The following EPG5 variants were observed in gnomAD, a reference collection of about 807,000 sequenced individuals.
EPG5 encodes ectopic P-granules 5 autophagy tethering factor, also known as ectopic P granules protein 5 homolog.
In EPG5, 159 loss-of-function variants were observed where a neutral mutation model predicts 302.7. That is an observed-to-expected ratio of 0.53 (90% CI 0.46 to 0.60). The LOEUF (loss-of-function observed/expected upper bound fraction) is 0.60. EPG5 is among the 20% of genes least tolerant of loss of function. The probability of loss-of-function intolerance (pLI) is 0.00; values close to 1 mark genes in which losing one functional copy is unlikely to be tolerated. For missense variants in EPG5, 2,896 were observed against 3,092.4 expected (o/e 0.94, Z 1.51); for synonymous variants, 1,158 against 1,136.8 (o/e 1.02, Z -0.37).
At chr18:45,837,911 G>T in the EPG5 span, 1 of 1,484,350 alleles carries the variant, frequency 6.7e-7, no homozygotes, top group Admixed American at 2.3e-5. Flanking sequence ...GGCGGCGTGG[G>T]AGCGGGTCCC....
At chr18:45,947,411 C>CA (rs1327877572) in intron 6 of EPG5, among the ~76,000 whole-genome samples, 8 of 148,188 alleles carry the variant, frequency 5.4e-5, no homozygotes, top group South Asian at 2.1e-4. Context: ...GACTCCCTCT[C>CA]AAAAAAAAAG....
chr18:45,914,790 C>T (rs926395935), intron 20 of EPG5, among the ~76,000 whole-genome samples: 5 of 152,118 alleles, frequency 3.3e-5, no homozygotes, highest in Admixed American at 2.0e-4. Flanking sequence ...TGATCAAGAG[C>T]TGTCTACTCC....
At chr18:45,821,315 A>G in the EPG5 span, among the ~76,000 whole-genome samples, 2 of 152,212 alleles carry the variant, frequency 1.3e-5, no homozygotes, top group South Asian at 2.1e-4. Context: ...AGGATATCTA[A>G]AACAAACTAA....
At chr18:45,937,373 T>C (rs2050560173) in intron 10 of EPG5, among the ~76,000 whole-genome samples, 2 of 150,708 alleles carry the variant, frequency 1.3e-5, no homozygotes, top group South Asian at 4.2e-4. Flanking sequence ...CACACACACA[T>C]ATATATACAC....
intron 7 of EPG5, among the ~76,000 whole-genome samples, chr18:45,944,480 C>T (rs1440106184): frequency 2.0e-5 from 3 of 152,154 alleles, no homozygotes; most frequent in African/African-American, 4.8e-5. Context: ...ATGGGCCGGG[C>T]GCGGTGGCTC....
At chr18:45,815,193 G>T in the EPG5 span, among the ~76,000 whole-genome samples, 1 of 152,120 alleles carries the variant, frequency 6.6e-6, no homozygotes, top group Non-Finnish European at 1.5e-5. Flanking sequence ...CATATTTACG[G>T]GACTAAATGA....
chr18:45,859,888 G>C (rs2048594903), intron 40 of EPG5, among the ~76,000 whole-genome samples: 2 of 152,230 alleles, frequency 1.3e-5, no homozygotes, highest in Admixed American at 1.3e-4. Context: ...CTTGAAATGT[G>C]ATTGTACCAA....
chr18:45,829,162 C>T, the EPG5 span: 6 of 985,318 alleles, frequency 6.1e-6, no homozygotes, highest in Non-Finnish European at 7.2e-6. Context: ...CAGCCTGTGG[C>T]CCTGCCTCTC....
At chr18:45,828,735 C>A in the EPG5 span, among the ~76,000 whole-genome samples, 62 of 152,236 alleles carry the variant, frequency 4.1e-4, no homozygotes, top group African/African-American at 1.4e-3. Context: ...CCCGCACCCT[C>A]CTGCAGTGGG....
At chr18:45,908,108 A>C (rs1394968585) in intron 23 of EPG5, 27 bp from the exon 24 acceptor site, 1 of 1,466,988 alleles carries the variant, frequency 6.8e-7, no homozygotes, top group Non-Finnish European at 9.3e-7. Context: ...TAATTATACG[A>C]AACATAAAAA....
intron 27 of EPG5, among the ~76,000 whole-genome samples, chr18:45,896,408 A>C (rs998401348): frequency 6.6e-6 from 1 of 152,244 alleles, no homozygotes; most frequent in African/African-American, 2.4e-5. Context: ...GAAAACTTAA[A>C]TATTTCTAAT....
At position 45,866,812 on chromosome 18, in the gene EPG5, T is replaced by C. The variant is rs746099258; in HGVS notation, c.6607A>G (p.Ser2203Gly). 1 of 1,613,736 alleles carries C rather than the reference T, an allele frequency of 6.2e-7. No individual in the cohort carries two copies. The highest frequency in any genetic ancestry group is 1.3e-5 in the African/African-American group (1 of 75,038). The change falls in exon 38 of 44, where the codon AGC (serine) becomes GGC (glycine). Residue 2203 changes from serine to glycine, a missense_variant. Physicochemically the swap from Ser to Gly is moderately conservative, Grantham distance 56. Coordinates refer to ENST00000282041, the MANE Select transcript of EPG5 (RefSeq NM_020964.3). ...VSAGLSIPTD[S>G]QKHLDAVPKC... ...TCTCAACTTACAAGATGCTTCTGGC[T>C]GTCAGTAGGAATAGAAAGGCCCGCA...
chr18:45,891,217 G>A (rs891318692), intron 27 of EPG5, among the ~76,000 whole-genome samples: 33 of 151,368 alleles, frequency 2.2e-4, no homozygotes, highest in African/African-American at 3.6e-4. Flanking sequence ...CCTGAAGGGC[G>A]GCCAGGCATG....
Position 45,858,761 on chromosome 18 carries a change from C to G in EPG5, c.7031G>C (p.Gly2344Ala). The stretch of plus-strand genomic sequence containing the variant: ...AAGGGATACCAGAATGGGTCCCCAT[C>G]CTGAATTCTGATTGAGAGGGCCTAA... ...FKESPLNQNSGWGPILVSLQV... is the reference protein window; with the variant it reads ...FKESPLNQNSAWGPILVSLQV... Residue 2344 changes from glycine to alanine, a missense_variant, in exon 41 of 44, where the codon GGA (glycine) becomes GCA (alanine). Gly to Ala is a moderately conservative substitution (Grantham distance 60). Transcript: ENST00000282041. 1 of 1,613,908 alleles carries G rather than the reference C, an allele frequency of 6.2e-7. No homozygotes were observed. Among genetic ancestry groups the G allele is most frequent in the Non-Finnish European group, 8.5e-7 (1 of 1,179,782 alleles).
intron 34 of EPG5, 88 bp from the exon 35 acceptor site, chr18:45,876,430 G>A (rs1489391000): frequency 9.7e-7 from 1 of 1,035,446 alleles, no homozygotes. Context: ...CTAAGTCCTG[G>A]AAGCCTGTCC....
intron 1 of EPG5, among the ~76,000 whole-genome samples, chr18:45,959,177 TGGG>T (rs2051093455): frequency 6.6e-6 from 1 of 152,214 alleles, no homozygotes; most frequent in Non-Finnish European, 1.5e-5. Context: ...GTGAACCCCT[TGGG>T]CAGTTACAAA....
Position 45,857,892 on chromosome 18 carries a change from C to T in EPG5, c.7403G>A (p.Gly2468Glu). The change falls in exon 42 of 44, where the codon GGG (glycine) becomes GAG (glutamate). Residue 2468 changes from glycine (G) to glutamate (E), a missense_variant. Physicochemically the swap from Gly to Glu is moderately conservative, Grantham distance 98. Around this residue, in one of 5 missense-constraint regions of EPG5, gnomAD observed 620 missense variants for 704.2 expected, o/e 0.88. Transcript: ENST00000282041. ...CGACTTCCGGCCAAACCCAATTGCC[C>T]CCAGGATCCCAGAGCTGAGTCTCTC... The part of the protein sequence containing the change: ...AEERLSSGIL[G>E]AIGFGRKSPL... 6.2e-7 allele frequency: 1 copy of T among 1,612,282 alleles called. No individual in the cohort carries two copies. The highest frequency in any genetic ancestry group is 8.5e-7 in the Non-Finnish European group (1 of 1,179,998).
chr18:45,857,444 C>CA (rs2048539083), intron 42 of EPG5, among the ~76,000 whole-genome samples: 1 of 152,146 alleles, frequency 6.6e-6, no homozygotes, highest in Non-Finnish European at 1.5e-5. Context: ...GACGACTTTA[C>CA]AGTTCACTAG....
At chr18:45,813,656 C>A in the EPG5 span, among the ~76,000 whole-genome samples, 152,111 of 152,116 alleles carry the variant, frequency 1, 76,053 homozygotes, top group Middle Eastern at 1. Context: ...TCAGCAAACT[C>A]TCACAAGGAC....
Sources: allele counts gnomAD v4.1 joint callset (sites outside exome capture counted in the v4.1 genomes callset), GRCh38; gene constraint gnomAD v4.1.1; regional missense constraint gnomAD v4.1.1; transcripts MANE v1.5; gene names NCBI Gene and HGNC (gene_info 2026-07-23, HGNC 2026-07-21).